Variants in NAV3 observed in about 807,000 individuals in gnomAD.
The protein encoded by NAV3 is neuron navigator 3.
In NAV3, 87 loss-of-function variants were observed where a neutral mutation model predicts 244.7. That is an observed-to-expected ratio of 0.36 (90% CI 0.30 to 0.42). The LOEUF is 0.42. Among genes scored for constraint, NAV3 ranks in the 20% least tolerant of loss-of-function variants. The pLI is 1.00. For missense variants in NAV3, 2,663 were observed against 2,893.3 expected (o/e 0.92, Z 1.83); for synonymous variants, 1,126 against 1,042.2 (o/e 1.08, Z -1.55).
At position 78,200,625 on chromosome 12, in the gene NAV3, T is replaced by TA. The variant is rs148251715; in HGVS notation, c.6834+45dup. On this transcript the variant is annotated intron_variant, in intron 38 of 39. Coordinates refer to ENST00000397909, the MANE Select transcript of NAV3 (RefSeq NM_001024383.2). The stretch of plus-strand genomic sequence containing the variant: ...CTCAATTTTCATTGCTATTTTTTTT[T>TA]AAAAAAAAAAAGCAAAAAAAATTAC... 8.3e-3 allele frequency: 8,539 copies of TA among 1,027,428 alleles called. 1 individual carries two copies. The highest frequency in any genetic ancestry group is 0.012 in the East Asian group (385 of 33,476). 63.6% of individuals were successfully genotyped at this position (1,027,428 alleles called of 1,614,324 possible).
chr12:77,979,477 A>G (rs757191201), intron 5 of NAV3, among the ~76,000 whole-genome samples: 3 of 152,036 alleles, frequency 2.0e-5, no homozygotes, highest in African/African-American at 7.2e-5. Context: ...TCTGTAGCCA[A>G]GTCTACATGG....
rs537237228 is a variant in NAV3, at chr12:78,159,101, A to T, written c.4786-102A>T. On this transcript the variant is annotated intron_variant, in intron 22 of 39. Transcript: ENST00000397909. ...ACTATGATAGTCATAGTATTTAAAG[A>T]GTTGGAACACATGAAATTAAGCATT... The T allele has an allele frequency of 7.1e-6, 6 of 843,136 alleles. No individual in the cohort carries two copies. The African/African-American group carries it at 1.0e-4, about 14-fold the overall frequency. The allele number at this position is 843,136 out of a possible 1,614,324, so 52.2% of individuals were successfully genotyped here. A position where few individuals can be genotyped will look rare whatever the true frequency, so the allele number is the denominator to read the frequency against.
intron 2 of NAV3, among the ~76,000 whole-genome samples, chr12:77,809,913 G>C (rs909813264): frequency 6.6e-6 from 1 of 152,058 alleles, no homozygotes; most frequent in African/African-American, 2.4e-5. Context: ...ACCTTTGGTT[G>C]GGTTCGTAGT....
chr12:77,624,109 G>C (rs1287273162), intron 2 of NAV3, among the ~76,000 whole-genome samples: 2 of 152,152 alleles, frequency 1.3e-5, no homozygotes, highest in African/African-American at 4.8e-5. Context: ...AGGATGAGTG[G>C]GTTGAAAATT....
At chr12:77,710,352 A>C (rs1355057052) in intron 2 of NAV3, among the ~76,000 whole-genome samples, 1 of 148,800 alleles carries the variant, frequency 6.7e-6, no homozygotes, top group African/African-American at 2.6e-5. Flanking sequence ...ACTCTGGGCA[A>C]CTATTACCTG....
At chr12:78,028,055 G>A (rs1234312415) in intron 9 of NAV3, among the ~76,000 whole-genome samples, 1 of 152,090 alleles carries the variant, frequency 6.6e-6, no homozygotes, top group Non-Finnish European at 1.5e-5. Flanking sequence ...GAAGAGAATG[G>A]TGTTGGAATG....
chr12:78,195,266 C>T (rs939701186), intron 34 of NAV3, among the ~76,000 whole-genome samples: 1 of 151,922 alleles, frequency 6.6e-6, no homozygotes, highest in Admixed American at 6.6e-5. Flanking sequence ...CTATATTTTT[C>T]TATAACCACA....
At chr12:77,648,741 T>G (rs1007704807) in intron 2 of NAV3, among the ~76,000 whole-genome samples, 1 of 152,128 alleles carries the variant, frequency 6.6e-6, no homozygotes, top group African/African-American at 2.4e-5. Flanking sequence ...AAGAGGTCTT[T>G]TAAGATTGTT....
At chr12:77,589,401 G>A (rs373996759) in intron 2 of NAV3, among the ~76,000 whole-genome samples, 26 of 151,984 alleles carry the variant, frequency 1.7e-4, no homozygotes, top group Middle Eastern at 3.4e-3. Flanking sequence ...TGTATTAGCC[G>A]TCTGTTCTCC....
chr12:77,574,325 T>G (rs759769882), intron 2 of NAV3, among the ~76,000 whole-genome samples: 18 of 152,090 alleles, frequency 1.2e-4, no homozygotes, highest in Admixed American at 5.9e-4. Context: ...GATTCAAAAT[T>G]TTTGAATCTG....
intron 31 of NAV3, among the ~76,000 whole-genome samples, chr12:78,186,681 A>G (rs898453949): frequency 3.3e-5 from 5 of 151,908 alleles, no homozygotes; most frequent in African/African-American, 1.2e-4. Context: ...GCCTTTGAAC[A>G]CTTTTTTCTA....
At chr12:77,814,552 G>A (rs1348764142) in intron 2 of NAV3, among the ~76,000 whole-genome samples, 1 of 152,122 alleles carries the variant, frequency 6.6e-6, no homozygotes, top group Non-Finnish European at 1.5e-5. Context: ...CTGATGTGTG[G>A]TAAGCAGAGG....
chr12:77,664,248 TC>T (rs905409133), intron 2 of NAV3, among the ~76,000 whole-genome samples: 23 of 152,204 alleles, frequency 1.5e-4, no homozygotes. Flanking sequence ...TGAAAATAAT[TC>T]CTTTAAATAT....
chr12:77,940,187 T>C (rs1476310629), intron 1 of NAV3, 132 bp from the exon 2 acceptor site: 6 of 676,762 alleles, frequency 8.9e-6, no homozygotes, highest in Non-Finnish European at 1.6e-5. Context: ...CTATTTCCTT[T>C]AGAGCTATGA....
intron 19 of NAV3, among the ~76,000 whole-genome samples, chr12:78,139,162 C>T (rs1410403141): frequency 1.3e-5 from 2 of 152,062 alleles, no homozygotes; most frequent in African/African-American, 4.8e-5. Flanking sequence ...TAGCTTTGCC[C>T]AAGTTAGAAA....
At chr12:77,574,982 T>C (rs1869013762) in intron 2 of NAV3, among the ~76,000 whole-genome samples, 1 of 150,776 alleles carries the variant, frequency 6.6e-6, no homozygotes, top group Non-Finnish European at 1.5e-5. Flanking sequence ...GCTGCTTTTA[T>C]CTCCTTAAGA....
At chr12:77,783,074 A>T (rs1330230717) in intron 2 of NAV3, among the ~76,000 whole-genome samples, 1 of 150,400 alleles carries the variant, frequency 6.6e-6, no homozygotes, top group East Asian at 1.9e-4. Flanking sequence ...TTTAAAATTC[A>T]TTTGTACCAT....
intron 2 of NAV3, among the ~76,000 whole-genome samples, chr12:77,755,747 T>C (rs1415485887): frequency 6.6e-6 from 1 of 151,370 alleles, no homozygotes; most frequent in African/African-American, 2.4e-5. Flanking sequence ...TCCTTTTTCT[T>C]TTCTTCGTCA....
chr12:77,881,066 C>T (rs1163444585), intron 1 of NAV3, among the ~76,000 whole-genome samples: 5 of 152,192 alleles, frequency 3.3e-5, no homozygotes, highest in Non-Finnish European at 2.9e-5. Flanking sequence ...ACTCCTCAGT[C>T]TCCTGAGTAG....
Sources: allele counts gnomAD v4.1 joint callset (sites outside exome capture counted in the v4.1 genomes callset), GRCh38; gene constraint gnomAD v4.1.1; transcripts MANE v1.5; gene names NCBI Gene and HGNC (gene_info 2026-07-23, HGNC 2026-07-21).